FNDC3B: variants seen among roughly 807,000 people sequenced by gnomAD.
FNDC3B encodes fibronectin type III domain-containing protein 3B.
In FNDC3B, 12 loss-of-function variants were observed where a neutral mutation model predicts 151.5. The ratio of observed to expected loss-of-function variants is 0.08; its 90% CI spans 0.05 to 0.13. The LOEUF (loss-of-function observed/expected upper bound fraction) is 0.13, where lower values mean the gene tolerates loss of function less well. Among genes scored for constraint, FNDC3B ranks in the 10% least tolerant of loss-of-function variants. The probability of loss-of-function intolerance (pLI) is 1.00; values close to 1 mark genes in which losing one functional copy is unlikely to be tolerated. For synonymous variants in FNDC3B, 528 were observed against 549.0 expected, an observed-to-expected ratio of 0.96 and a Z score of 0.54; for missense variants, 1,214 against 1,505.3, an observed-to-expected ratio of 0.81 and a Z score of 3.20.
chr3:172,130,247 C>T (rs1268058905), intron 2 of FNDC3B, among the ~76,000 whole-genome samples: 1 of 152,132 alleles, frequency 6.6e-6, no homozygotes, highest in Admixed American at 6.6e-5. Context: ...AAAATGCTTT[C>T]TTTTAAAATA....
At chr3:172,058,740 C>T (rs1219360147) in intron 1 of FNDC3B, among the ~76,000 whole-genome samples, 1 of 152,136 alleles carries the variant, frequency 6.6e-6, no homozygotes, top group Non-Finnish European at 1.5e-5. Flanking sequence ...CTAGAGGAGG[C>T]AGAGTAAATC....
chr3:172,347,301 A>G lies in FNDC3B; in HGVS notation c.2454A>G (p.Thr818=). Reference sequence around the variant, plus strand: ...CCTTAGAACTCATTTATCATGGGACAGACACCCGTTTTGAAATAAGAGACC... The same window carrying G: ...CCTTAGAACTCATTTATCATGGGACGGACACCCGTTTTGAAATAAGAGACC... ...EESLELIYHG[T]DTRFEIRDLL... The change falls in exon 21 of 26, where the codon ACA becomes ACG. Residue 818 remains threonine, a synonymous_variant. Transcript: ENST00000415807. 1 of 1,614,108 alleles carries G rather than the reference A, an allele frequency of 6.2e-7. No individual in the cohort carries two copies. Among genetic ancestry groups the G allele is most frequent in the Non-Finnish European group, 8.5e-7 (1 of 1,179,976 alleles).
At chr3:172,364,540 G>C (rs1734516962) in intron 23 of FNDC3B, among the ~76,000 whole-genome samples, 1 of 152,172 alleles carries the variant, frequency 6.6e-6, no homozygotes, top group Admixed American at 6.5e-5. Flanking sequence ...ACCCCCTCTT[G>C]CTGCAATCCT....
At chr3:172,276,498 T>G (rs1729439490) in intron 6 of FNDC3B, among the ~76,000 whole-genome samples, 1 of 152,052 alleles carries the variant, frequency 6.6e-6, no homozygotes, top group African/African-American at 2.4e-5. Flanking sequence ...ATTAGAAAAA[T>G]CACCATCTGG....
intron 1 of FNDC3B, among the ~76,000 whole-genome samples, chr3:172,093,706 C>T (rs1490978245): frequency 6.6e-6 from 1 of 152,188 alleles, no homozygotes; most frequent in Non-Finnish European, 1.5e-5. Flanking sequence ...GAAGGAAATA[C>T]ACTGGTATAG....
At chr3:172,166,427 G>T (rs544050860) in intron 3 of FNDC3B, among the ~76,000 whole-genome samples, 3 of 150,890 alleles carry the variant, frequency 2.0e-5, no homozygotes, top group Non-Finnish European at 4.4e-5. Context: ...CCATTGAAAT[G>T]CTCCTTACCA....
intron 3 of FNDC3B, among the ~76,000 whole-genome samples, chr3:172,208,430 G>C (rs1394085165): frequency 3.3e-5 from 5 of 152,168 alleles, no homozygotes; most frequent in Non-Finnish European, 5.9e-5. Flanking sequence ...GAGCAGGTTA[G>C]GGGGCATGAG....
At chr3:172,113,780 C>T (rs550834697) in intron 2 of FNDC3B, among the ~76,000 whole-genome samples, 1 of 152,296 alleles carries the variant, frequency 6.6e-6, no homozygotes, top group African/African-American at 2.4e-5. Context: ...ACCTTCTGTC[C>T]CTTTTTCCCT....
chr3:172,293,851 G>A (rs978749969), intron 7 of FNDC3B, among the ~76,000 whole-genome samples: 1 of 152,156 alleles, frequency 6.6e-6, no homozygotes, highest in Non-Finnish European at 1.5e-5. Flanking sequence ...TGTATTTCAA[G>A]TATTTAATAA....
At chr3:172,305,197 C>T (rs74856298) in intron 9 of FNDC3B, among the ~76,000 whole-genome samples, 1 of 152,080 alleles carries the variant, frequency 6.6e-6, no homozygotes, top group Non-Finnish European at 1.5e-5. Flanking sequence ...ACTATATTAC[C>T]ATCATCACAC....
chr3:172,350,016 G>A (rs1320173050), intron 21 of FNDC3B, among the ~76,000 whole-genome samples: 5 of 152,016 alleles, frequency 3.3e-5, no homozygotes, highest in East Asian at 3.8e-4. Context: ...GTTTCTCTTC[G>A]GAAAAGCAGA....
intron 6 of FNDC3B, 65 bp from the exon 7 acceptor site, chr3:172,285,861 G>A (rs991457003): frequency 4.5e-5 from 56 of 1,244,230 alleles, no homozygotes; most frequent in Non-Finnish European, 6.2e-5. Flanking sequence ...CCTTGGGGAA[G>A]GAACTTGACA....
chr3:172,396,876 G>A (rs1216958829), intron 25 of FNDC3B, among the ~76,000 whole-genome samples: 1 of 152,204 alleles, frequency 6.6e-6, no homozygotes, highest in Non-Finnish European at 1.5e-5. Flanking sequence ...AATTTAGTGA[G>A]ATGCATCCTT....
intron 4 of FNDC3B, among the ~76,000 whole-genome samples, chr3:172,233,894 A>G (rs977604588): frequency 6.6e-6 from 1 of 152,240 alleles, no homozygotes; most frequent in Non-Finnish European, 1.5e-5. Flanking sequence ...ATTGTGTTCC[A>G]TGGAAAACAG....
chr3:172,232,239 G>A (rs113438732), intron 4 of FNDC3B, among the ~76,000 whole-genome samples: 179 of 152,164 alleles, frequency 1.2e-3, no homozygotes, highest in African/African-American at 4.2e-3. Context: ...AAGATTTTAT[G>A]GTAATAACTC....
intron 6 of FNDC3B, among the ~76,000 whole-genome samples, chr3:172,254,614 A>G (rs1728242047): frequency 6.6e-6 from 1 of 152,166 alleles, no homozygotes; most frequent in African/African-American, 2.4e-5. Context: ...TTGAACACAC[A>G]AAGCTATTGT....
chr3:172,091,481 C>T (rs897411125), intron 1 of FNDC3B, among the ~76,000 whole-genome samples: 2 of 152,084 alleles, frequency 1.3e-5, no homozygotes, highest in African/African-American at 4.8e-5. Flanking sequence ...TTACAGAAGT[C>T]AGAATTTTAA....
chr3:172,330,952 T>C (rs1732621151), intron 13 of FNDC3B, among the ~76,000 whole-genome samples: 1 of 151,722 alleles, frequency 6.6e-6, no homozygotes. Flanking sequence ...CTATATATAA[T>C]CAGAAAATCC....
intron 8 of FNDC3B, 89 bp downstream of exon 8, chr3:172,295,603 G>C: frequency 7.7e-7 from 1 of 1,292,452 alleles, no homozygotes; most frequent in Non-Finnish European, 1.1e-6. Context: ...AAACCTTATA[G>C]GCTTGGCAAA....
Sources: allele counts gnomAD v4.1 joint callset (sites outside exome capture counted in the v4.1 genomes callset), GRCh38; gene constraint gnomAD v4.1.1; transcripts MANE v1.5; gene names NCBI Gene and HGNC (gene_info 2026-07-23, HGNC 2026-07-21).